Variants in LIN28B observed in about 807,000 individuals in gnomAD.
LIN28B encodes protein lin-28 homolog B.
LIN28B carries 5 observed loss-of-function variants against 21.9 expected under a neutral mutation model. The observed-to-expected ratio is 0.23, with a 90% confidence interval of 0.12 to 0.48. The LOEUF (loss-of-function observed/expected upper bound fraction) is 0.48, where lower values mean the gene tolerates loss of function less well. Among genes scored for constraint, LIN28B ranks in the 20% least tolerant of loss-of-function variants. The pLI is 0.98. For synonymous variants in LIN28B, 109 were observed against 111.3 expected, an observed-to-expected ratio of 0.98 and a Z score of 0.13; for missense variants, 245 against 310.5, an observed-to-expected ratio of 0.79 and a Z score of 1.58.
At chr6:105,043,830 G>A (rs768960986) in intron 3 of LIN28B, among the ~76,000 whole-genome samples, 1 of 151,960 alleles carries the variant, frequency 6.6e-6, no homozygotes, top group Non-Finnish European at 1.5e-5. Flanking sequence ...CAAACTCCTG[G>A]GCTCAAGCGA....
At chr6:104,990,574 T>A (rs1012767657) in intron 2 of LIN28B, among the ~76,000 whole-genome samples, 24 of 149,454 alleles carry the variant, frequency 1.6e-4, no homozygotes, top group East Asian at 3.9e-4. Context: ...TTTTTATTTT[T>A]TTTTTTTTAT....
At chr6:104,985,474 G>T in intron 2 of LIN28B, among the ~76,000 whole-genome samples, 1 of 152,076 alleles carries the variant, frequency 6.6e-6, no homozygotes, top group South Asian at 2.1e-4. Context: ...TTATTGATTT[G>T]TATGAGTTCT....
chr6:104,975,291 TAC>T (rs1429204477), intron 2 of LIN28B, among the ~76,000 whole-genome samples: 64 of 152,304 alleles, frequency 4.2e-4, no homozygotes, highest in Admixed American at 4.1e-3. Flanking sequence ...TATCTAAAAA[TAC>T]AGTTAGATTA....
chr6:105,071,313 A>T (rs1772329421), intron 3 of LIN28B, among the ~76,000 whole-genome samples: 1 of 152,092 alleles, frequency 6.6e-6, no homozygotes, highest in Non-Finnish European at 1.5e-5. Flanking sequence ...TGTCTTGGAG[A>T]TCTTTGCATG....
chr6:104,955,851 CTTTTTAGTTAAT>C (rs1562561970), upstream of LIN28B, among the ~76,000 whole-genome samples: 7 of 151,950 alleles, frequency 4.6e-5, no homozygotes, highest in Admixed American at 2.6e-4. Context: ...GAAATAAAGT[CTTTTTAGTTAAT>C]CTATAATATT....
chr6:104,955,470 A>G (rs1778273686), upstream of LIN28B, among the ~76,000 whole-genome samples: 1 of 152,226 alleles, frequency 6.6e-6, no homozygotes, highest in African/African-American at 2.4e-5. Flanking sequence ...TTTATCAAAA[A>G]CAGCTGAAAA....
intron 3 of LIN28B, among the ~76,000 whole-genome samples, chr6:105,060,029 G>A (rs1772096551): frequency 1.3e-5 from 2 of 151,128 alleles, no homozygotes; most frequent in Admixed American, 6.6e-5. Context: ...TCAGCCTCCC[G>A]AGTAGCTGAG....
intron 3 of LIN28B, among the ~76,000 whole-genome samples, chr6:105,055,244 T>A (rs1253451006): frequency 2.0e-5 from 3 of 152,198 alleles, no homozygotes; most frequent in African/African-American, 7.2e-5. Flanking sequence ...GTGTGTTTTT[T>A]ATTCTGCTTC....
At chr6:105,053,714 C>CGTGTGTGTGTGT (rs59369365) in intron 3 of LIN28B, among the ~76,000 whole-genome samples, 285 of 147,386 alleles carry the variant, frequency 1.9e-3, no homozygotes, top group African/African-American at 5.8e-3. Flanking sequence ...TGTGTGGGTG[C>CGTGTGTGTGTGT]GTGTGTGTGT....
At chr6:104,937,456 G>A (rs1033737040) in intron 2 of LIN28B, among the ~76,000 whole-genome samples, 1 of 151,946 alleles carries the variant, frequency 6.6e-6, no homozygotes, top group African/African-American at 2.4e-5. Context: ...TTGTAGAGAC[G>A]GTTTCACCAT....
intron 2 of LIN28B, among the ~76,000 whole-genome samples, chr6:104,993,972 G>A (rs1770546884): frequency 1.3e-5 from 2 of 151,894 alleles, no homozygotes; most frequent in African/African-American, 2.4e-5. Flanking sequence ...TATCTCTAAA[G>A]GTATCATTAA....
At chr6:104,987,424 A>C (rs1331127500) in intron 2 of LIN28B, among the ~76,000 whole-genome samples, 1 of 151,900 alleles carries the variant, frequency 6.6e-6, no homozygotes, top group Admixed American at 6.6e-5. Context: ...CAGTGGTGCA[A>C]CCTCAAACTC....
chr6:104,942,466 A>C (rs1205007430), intron 2 of LIN28B, among the ~76,000 whole-genome samples: 2 of 152,178 alleles, frequency 1.3e-5, no homozygotes, highest in Non-Finnish European at 2.9e-5. Context: ...TTAAGGGTGA[A>C]TTCTTGGAAA....
intron 3 of LIN28B, among the ~76,000 whole-genome samples, chr6:105,056,450 T>C (rs770342687): frequency 2.0e-5 from 3 of 152,134 alleles, no homozygotes; most frequent in Non-Finnish European, 4.4e-5. Flanking sequence ...CTAGGGTACA[T>C]AGAGTATGAT....
chr6:105,058,214 C>A (rs544296093), intron 3 of LIN28B: 1 of 249,038 alleles, frequency 4.0e-6, no homozygotes, highest in Non-Finnish European at 8.0e-6. Flanking sequence ...ACATGAGCTG[C>A]AACACCATAT....
At chr6:105,073,321 G>A (rs1056594075) in intron 3 of LIN28B, among the ~76,000 whole-genome samples, 1 of 152,234 alleles carries the variant, frequency 6.6e-6, no homozygotes, top group South Asian at 2.1e-4. Flanking sequence ...TTTTCCTTCA[G>A]TTTAGTTCCT....
At chr6:104,962,476 C>T (rs1769767275) in intron 2 of LIN28B, among the ~76,000 whole-genome samples, 1 of 151,618 alleles carries the variant, frequency 6.6e-6, no homozygotes, top group South Asian at 2.1e-4. Context: ...TTTTATGTTC[C>T]TTTGCTTCAA....
At chr6:105,045,282 C>CTTT (rs1165025151) in intron 3 of LIN28B, among the ~76,000 whole-genome samples, 2 of 135,490 alleles carry the variant, frequency 1.5e-5, no homozygotes, top group African/African-American at 5.9e-5. Context: ...GTATGTCATT[C>CTTT]TGTTTTTTTT....
rs949785664 is a variant in LIN28B, at chr6:105,026,322, A to C, written c.223A>C (p.Arg75=). 3 of 1,608,980 alleles carry C rather than the reference A, an allele frequency of 1.9e-6. No homozygotes were observed. The highest frequency in any genetic ancestry group is 1.7e-6 in the Non-Finnish European group (2 of 1,177,894). The change falls in exon 3 of 4, where the codon AGA becomes CGA. Residue 75 remains arginine, a synonymous_variant. Coordinates refer to ENST00000345080, the MANE Select transcript of LIN28B (RefSeq NM_001004317.4). ...GAGCAAACTATTCATGGAAGGATTT[A>C]GAAGCCTAAAAGAAGGAGAACCAGT... is the stretch of plus-strand genomic sequence containing the variant. The part of the protein sequence containing the change: ...HQSKLFMEGF[R]SLKEGEPVEF...
Sources: allele counts gnomAD v4.1 joint callset (sites outside exome capture counted in the v4.1 genomes callset), GRCh38; gene constraint gnomAD v4.1.1; transcripts MANE v1.5; gene names NCBI Gene and HGNC (gene_info 2026-07-23, HGNC 2026-07-21).